The following NANOS3 variants were observed in gnomAD, a reference collection of about 807,000 sequenced individuals.
NANOS3 encodes nanos homolog 3.
NANOS3 carries 11 observed loss-of-function variants against 13.8 expected under a neutral mutation model. That is an observed-to-expected ratio of 0.80 (90% CI 0.50 to 1.32). NANOS3 has a LOEUF of 1.32. Among genes scored for constraint, NANOS3 ranks in the 40% most tolerant of loss-of-function variants. The pLI, the probability that NANOS3 is intolerant of heterozygous loss-of-function variation, is 0.00. For missense variants in NANOS3, 221 were observed against 263.8 expected, an observed-to-expected ratio of 0.84 and a Z score of 1.12; for synonymous variants, 119 against 115.4, an observed-to-expected ratio of 1.03 and a Z score of -0.20.
At chr19:13,872,562 A>G (rs1371256367), upstream of NANOS3, among the ~76,000 whole-genome samples, 1 of 152,156 alleles carries the variant, frequency 6.6e-6, no homozygotes, top group Non-Finnish European at 1.5e-5. Flanking sequence ...CAGCGTGATG[A>G]ATGTAGCGTT....
chr19:13,872,939 A>G (rs1396393310), upstream of NANOS3, among the ~76,000 whole-genome samples: 1 of 145,136 alleles, frequency 6.9e-6, no homozygotes, highest in Non-Finnish European at 1.5e-5. Flanking sequence ...AGGGCGAGTT[A>G]GCCGGGATCG....
At chr19:13,880,312 C>A (rs949005296) in intron 1 of NANOS3, 130 bp from the exon 2 acceptor site, 1 of 768,248 alleles carries the variant, frequency 1.3e-6, no homozygotes, top group Non-Finnish European at 2.2e-6. Context: ...GTCACGGGGT[C>A]GCTGTCTCCG....
At position 13,877,537 on chromosome 19, in the gene NANOS3, G is replaced by A. The variant is rs1968540044; in HGVS notation, c.289G>A (p.Asp97Asn). The part of the protein sequence containing the change: ...RAIYQSHVLK[D>N]EAGRVLCPIL... ...CATCTACCAGTCCCACGTGCTGAAGGACGAGGCTGGCAGGGTGCTGTGTCC... is the reference window on the plus strand; with the variant it reads ...CATCTACCAGTCCCACGTGCTGAAGAACGAGGCTGGCAGGGTGCTGTGTCC... Residue 97 changes from aspartate to asparagine, a missense_variant, in exon 1 of 2, where the codon GAC (aspartate) becomes AAC (asparagine). Physicochemically the swap from Asp to Asn is conservative, Grantham distance 23. Coordinates refer to ENST00000339133, the MANE Select transcript of NANOS3 (RefSeq NM_001098622.3). 1 of 1,612,254 alleles carries A rather than the reference G, an allele frequency of 6.2e-7. No homozygotes were observed. Among genetic ancestry groups the A allele is most frequent in the African/African-American group, 1.3e-5 (1 of 74,948 alleles).
chr19:13,877,435 C>T lies in NANOS3; in HGVS notation c.187C>T (p.Gln63Ter). 2 of 1,612,162 alleles carry T rather than the reference C, an allele frequency of 1.2e-6. No homozygotes were observed. Among genetic ancestry groups the T allele is most frequent in the South Asian group, 1.1e-5 (1 of 91,090 alleles). Residue 63 changes from glutamine (Q) to a stop codon, truncating the protein, a stop_gained, in exon 1 of 2, where the codon CAG becomes TAG. Transcript: ENST00000339133. LOFTEE classifies it high-confidence loss of function. ...ESVPVPGPKD[Q>*]KRSLESSPAP... is the part of the protein sequence containing the mutation. ...GGTGCCAGTGCCGGGACCCAAGGAT[C>T]AGAAGCGCAGCCTGGAGTCCTCGCC... is the stretch of plus-strand genomic sequence containing the variant.
upstream of NANOS3, among the ~76,000 whole-genome samples, chr19:13,873,088 G>T (rs1378744060): frequency 1.3e-5 from 2 of 152,234 alleles, no homozygotes; most frequent in Admixed American, 1.3e-4. Flanking sequence ...CTCTAAGGGG[G>T]CGGGCCCTAA....
chr19:13,880,372 C>A, intron 1 of NANOS3, 70 bp from the exon 2 acceptor site: 1 of 1,478,866 alleles, frequency 6.8e-7, no homozygotes, highest in South Asian at 1.1e-5. Flanking sequence ...GAGGCCGAGT[C>A]CGTGGGCAAC....
At chr19:13,863,085 C>T (rs572786948), upstream of NANOS3, among the ~76,000 whole-genome samples, 4 of 152,272 alleles carry the variant, frequency 2.6e-5, no homozygotes, top group South Asian at 6.2e-4. Flanking sequence ...GGATGGGAGA[C>T]GAGGCTCATA....
chr19:13,866,003 G>C (rs919640130), intron 1 of NANOS3, among the ~76,000 whole-genome samples: 1 of 152,064 alleles, frequency 6.6e-6, no homozygotes, highest in Admixed American at 6.5e-5. Flanking sequence ...TCCTGGCGGG[G>C]GCCCCGCTCA....
Position 13,868,039 on chromosome 19 carries a change from TA to T in NANOS3, n.21+2603del, listed in dbSNP as rs142655187. Among the ~76,000 whole-genome samples, 427 of 151,050 alleles carry T rather than the reference TA, an allele frequency of 2.8e-3. 2 individuals are homozygous for T. The highest frequency in any genetic ancestry group is 9.9e-3 in the African/African-American group (407 of 41,080). On this transcript the variant is annotated intron_variant and non_coding_transcript_variant, in intron 1 of 2. Transcript: ENST00000591161. ...ATCTGGATGCCCACAAACCCAATAATATTTTTTTTTTTTTGGAGACAGAGTC... is the reference window on the plus strand; with the variant it reads ...ATCTGGATGCCCACAAACCCAATAATTTTTTTTTTTTTTGGAGACAGAGTC...
At chr19:13,868,203 C>T (rs750316980) in intron 1 of NANOS3, among the ~76,000 whole-genome samples, 5 of 151,780 alleles carry the variant, frequency 3.3e-5, no homozygotes, top group African/African-American at 9.7e-5. Context: ...GGATTACAGG[C>T]GCCCGCTACC....
rs747862569 is a variant in NANOS3 at position 13,880,432 on chromosome 19, C to A, written c.518-10C>A. 37 of 1,613,476 alleles carry A rather than the reference C, an allele frequency of 2.3e-5. No individual in the cohort carries two copies. Among genetic ancestry groups the A allele is most frequent in the Admixed American group, 6.7e-5 (4 of 59,970 alleles). On this transcript the variant is annotated splice_polypyrimidine_tract_variant and intron_variant, in intron 1 of 1. Transcript: ENST00000339133. ...GTGATTAAGCATTTCTCTCCCTCCC[C>A]CTCCACTAGGTTTCAGAGGTGCCGG...
intron 1 of NANOS3, among the ~76,000 whole-genome samples, chr19:13,879,276 C>CT (rs1489728659): frequency 4.6e-5 from 7 of 152,096 alleles, no homozygotes; most frequent in Admixed American, 1.3e-4. Context: ...GTTCTAGCAA[C>CT]TTAAATTGCC....
chr19:13,873,296 G>C (rs1286473164), upstream of NANOS3, among the ~76,000 whole-genome samples: 1 of 150,794 alleles, frequency 6.6e-6, no homozygotes, highest in Non-Finnish European at 1.5e-5. Context: ...GGCTCTCGGG[G>C]GCGCGTCCTC....
rs751491918 is a variant in NANOS3, at chr19:13,877,567, C to T, written c.319C>T (p.Leu107=). ...GGCTGGCAGGGTGCTGTGTCCCATC[C>T]TGCGGGACTACGTGTGTCCCCAGTG... ...DEAGRVLCPI[L]RDYVCPQCGA... The change falls in exon 1 of 2, where the codon CTG becomes TTG. Residue 107 remains leucine, a synonymous_variant. Coordinates refer to ENST00000339133, the MANE Select transcript of NANOS3 (RefSeq NM_001098622.3). 23 of 1,612,280 alleles carry T rather than the reference C, an allele frequency of 1.4e-5. No individual in the cohort carries two copies. The highest frequency in any genetic ancestry group is 3.4e-6 in the Non-Finnish European group (4 of 1,179,996).
chr19:13,880,318 C>G (rs1333670452), intron 1 of NANOS3, 124 bp from the exon 2 acceptor site: 3 of 843,504 alleles, frequency 3.6e-6, no homozygotes, highest in Admixed American at 2.2e-5. Context: ...GGGTCGCTGT[C>G]TCCGGAGCAG....
At chr19:13,862,392 GCCTC>G (rs1271297693), upstream of NANOS3, among the ~76,000 whole-genome samples, 6 of 152,140 alleles carry the variant, frequency 3.9e-5, no homozygotes, top group Non-Finnish European at 8.8e-5. Context: ...AGTCCCGCCG[GCCTC>G]CACAGCTGGG....
At chr19:13,880,334 G>T in intron 1 of NANOS3, 108 bp from the exon 2 acceptor site, 1 of 1,010,542 alleles carries the variant, frequency 9.9e-7, no homozygotes, top group Non-Finnish European at 1.5e-6. Context: ...AGCAGCCCCT[G>T]GGTGGCGCCA....
chr19:13,877,182 G>A lies in NANOS3; in HGVS notation c.-67G>A, dbSNP rs1968528745. On this transcript the variant is annotated 5_prime_UTR_variant, in exon 1 of 2. Coordinates refer to ENST00000339133, the MANE Select transcript of NANOS3 (RefSeq NM_001098622.3). ...GGGCAGCAGAGAGGGGTCAGAAGGAGGGAGCTTAAGCCAGGCAGGGTTACT... is the reference window on the plus strand; with the variant it reads ...GGGCAGCAGAGAGGGGTCAGAAGGAAGGAGCTTAAGCCAGGCAGGGTTACT... 2.9e-6 allele frequency: 4 copies of A among 1,371,916 alleles called. No homozygotes were observed. The South Asian group carries it at 5.1e-5, about 18-fold the overall frequency. The allele number at this position is 1,371,916 out of a possible 1,614,324, so 85.0% of individuals were successfully genotyped here. A position where few individuals can be genotyped will look rare whatever the true frequency, so the allele number is the denominator to read the frequency against.
upstream of NANOS3, among the ~76,000 whole-genome samples, chr19:13,873,837 C>T (rs1968447469): frequency 1.3e-5 from 2 of 150,168 alleles, no homozygotes; most frequent in South Asian, 4.2e-4. Flanking sequence ...TCGCCCATCC[C>T]TGGTCGTCAC....
Sources: allele counts gnomAD v4.1 joint callset (sites outside exome capture counted in the v4.1 genomes callset), GRCh38; gene constraint gnomAD v4.1.1; transcripts MANE v1.5; gene names NCBI Gene and HGNC (gene_info 2026-07-23, HGNC 2026-07-21).